Variants in AP2B1 observed in about 807,000 individuals in gnomAD.
AP2B1 encodes AP-2 complex subunit beta.
AP2B1 carries 23 observed loss-of-function variants against 102.0 expected under a neutral mutation model. The observed-to-expected ratio is 0.23, with a 90% confidence interval of 0.16 to 0.32. The LOEUF (loss-of-function observed/expected upper bound fraction) is 0.32. AP2B1 is among the 10% of genes least tolerant of loss of function. The pLI is 1.00. For missense variants in AP2B1, 541 were observed against 1,157.4 expected (o/e 0.47, Z 7.73); for synonymous variants, 381 against 421.2 (o/e 0.90, Z 1.17).
At chr17:35,670,820 C>G in intron 14 of AP2B1, 37 bp from the exon 15 acceptor site, 7 of 1,610,024 alleles carry the variant, frequency 4.3e-6, no homozygotes, top group Non-Finnish European at 5.9e-6. Context: ...TAAATGAACT[C>G]TACCTCTCTC....
At chr17:35,595,482 G>A (rs1453300070) in intron 2 of AP2B1, among the ~76,000 whole-genome samples, 1 of 152,122 alleles carries the variant, frequency 6.6e-6, no homozygotes, top group African/African-American at 2.4e-5. Flanking sequence ...AGGAGGTTGA[G>A]GCTGCAGTGA....
intron 18 of AP2B1, among the ~76,000 whole-genome samples, chr17:35,705,116 G>A (rs1266462909): frequency 1.3e-5 from 2 of 152,204 alleles, no homozygotes; most frequent in East Asian, 3.8e-4. Context: ...TAATTTTGAT[G>A]TGGTTGAAGT....
intron 14 of AP2B1, among the ~76,000 whole-genome samples, chr17:35,666,738 A>T (rs1468728729): frequency 6.6e-6 from 1 of 152,192 alleles, no homozygotes; most frequent in Non-Finnish European, 1.5e-5. Context: ...AGCTCACTGG[A>T]TAACAGATAT....
chr17:35,717,151 G>A, intron 20 of AP2B1, 44 bp from the exon 21 acceptor site: 2 of 1,604,420 alleles, frequency 1.2e-6, no homozygotes, highest in Non-Finnish European at 1.7e-6. Context: ...ACATTTGTTT[G>A]AGATTTTAAC....
chr17:35,703,768 G>T (rs2143004651), intron 18 of AP2B1, among the ~76,000 whole-genome samples: 1 of 152,130 alleles, frequency 6.6e-6, no homozygotes, highest in East Asian at 1.9e-4. Flanking sequence ...AAGCTGTACA[G>T]CAAATCTGAT....
intron 3 of AP2B1, among the ~76,000 whole-genome samples, chr17:35,598,639 C>T (rs1040268255): frequency 1.8e-4 from 28 of 152,092 alleles, no homozygotes; most frequent in African/African-American, 6.0e-4. Context: ...TTGCTGAGGT[C>T]GTTTTAGAAG....
chr17:35,651,485 G>C (rs2075085253), intron 13 of AP2B1, among the ~76,000 whole-genome samples: 1 of 152,118 alleles, frequency 6.6e-6, no homozygotes, highest in Non-Finnish European at 1.5e-5. Context: ...AATCTTTTCA[G>C]AATCTGATTC....
intron 5 of AP2B1, among the ~76,000 whole-genome samples, chr17:35,622,212 TAAC>T (rs1477720381): frequency 3.3e-5 from 5 of 152,200 alleles, no homozygotes; most frequent in Admixed American, 6.5e-5. Flanking sequence ...TGATTTGTCT[TAAC>T]AAGTATAAAA....
chr17:35,603,071 G>A (rs1489249621), intron 3 of AP2B1, among the ~76,000 whole-genome samples: 1 of 152,162 alleles, frequency 6.6e-6, no homozygotes, highest in African/African-American at 2.4e-5. Flanking sequence ...GAAGTTACTG[G>A]TTCACTGGAG....
intron 12 of AP2B1, among the ~76,000 whole-genome samples, chr17:35,643,085 T>G (rs1183331350): frequency 6.7e-6 from 1 of 149,976 alleles, no homozygotes; most frequent in Admixed American, 6.7e-5. Flanking sequence ...AAGTCAGGAG[T>G]GTCCAGTCTT....
intron 17 of AP2B1, among the ~76,000 whole-genome samples, chr17:35,676,104 G>A (rs940132921): frequency 2.1e-4 from 32 of 152,166 alleles, no homozygotes; most frequent in African/African-American, 7.5e-4. Context: ...TTAGTGTGGA[G>A]TTTCCCACAG....
chr17:35,628,852 A>T (rs2074386908), intron 9 of AP2B1, among the ~76,000 whole-genome samples: 4 of 152,138 alleles, frequency 2.6e-5, no homozygotes, highest in Non-Finnish European at 5.9e-5. Flanking sequence ...TTGGCTTGCA[A>T]AATTTATGCA....
intron 20 of AP2B1, among the ~76,000 whole-genome samples, chr17:35,711,647 T>G (rs1555587577): frequency 6.6e-6 from 1 of 152,128 alleles, no homozygotes; most frequent in Non-Finnish European, 1.5e-5. Context: ...TTTTTTGTAT[T>G]TTTTTAATAG....
At chr17:35,613,557 A>G (rs78135579) in intron 5 of AP2B1, among the ~76,000 whole-genome samples, 3,666 of 152,254 alleles carry the variant, frequency 0.024, 135 homozygotes, top group East Asian at 0.19. Context: ...ATTAAGTCCT[A>G]GCTTTATGTT....
At chr17:35,709,181 C>T (rs1158088381) in intron 18 of AP2B1, 43 bp from the exon 19 acceptor site, 8 of 1,548,304 alleles carry the variant, frequency 5.2e-6, no homozygotes, top group Non-Finnish European at 7.1e-6. Flanking sequence ...TCCTACCTGG[C>T]TCCCTGCGAT....
chr17:35,646,194 A>T (rs910292594), intron 12 of AP2B1, among the ~76,000 whole-genome samples: 1 of 152,236 alleles, frequency 6.6e-6, no homozygotes, highest in African/African-American at 2.4e-5. Context: ...GTCTAGCAGT[A>T]CAGTAGATCC....
intron 12 of AP2B1, among the ~76,000 whole-genome samples, chr17:35,649,072 C>G (rs908281219): frequency 3.3e-5 from 5 of 152,110 alleles, no homozygotes; most frequent in Admixed American, 2.6e-4. Flanking sequence ...CTTTCATACT[C>G]TATTGAAATA....
chr17:35,631,297 G>A (rs139985697), intron 9 of AP2B1, among the ~76,000 whole-genome samples: 142 of 152,086 alleles, frequency 9.3e-4, no homozygotes, highest in African/African-American at 2.8e-3. Flanking sequence ...TGGTTTGTGT[G>A]TCATTTCTTA....
At chr17:35,720,147 G>A (rs2085313847) in intron 21 of AP2B1, among the ~76,000 whole-genome samples, 1 of 152,128 alleles carries the variant, frequency 6.6e-6, no homozygotes, top group Non-Finnish European at 1.5e-5. Flanking sequence ...CCCAAAAAGA[G>A]TGCTAAATTT....
Sources: allele counts gnomAD v4.1 joint callset (sites outside exome capture counted in the v4.1 genomes callset), GRCh38; gene constraint gnomAD v4.1.1; transcripts MANE v1.5; gene names NCBI Gene and HGNC (gene_info 2026-07-23, HGNC 2026-07-21).